STXBP6: variants seen among roughly 807,000 people sequenced by gnomAD.
STXBP6 encodes the protein syntaxin-binding protein 6.
Under a neutral mutation model 26.9 loss-of-function variants are expected in STXBP6, and 21 were observed. The ratio of observed to expected loss-of-function variants is 0.78; its 90% CI spans 0.55 to 1.12. STXBP6 has a LOEUF of 1.12. STXBP6 is among the 50% of genes most tolerant of loss of function. STXBP6 has a pLI of 0.00. For synonymous variants in STXBP6, 97 were observed against 92.6 expected (o/e 1.05, Z -0.27); for missense variants, 232 against 257.9 (o/e 0.90, Z 0.69).
At chr14:24,969,141 G>T (rs1326234970) in intron 2 of STXBP6, among the ~76,000 whole-genome samples, 2 of 152,072 alleles carry the variant, frequency 1.3e-5, no homozygotes, top group Admixed American at 1.3e-4. Flanking sequence ...AAAGCATTCA[G>T]AACTTTTTCC....
At chr14:24,908,649 T>TC (rs1329635201) in intron 2 of STXBP6, among the ~76,000 whole-genome samples, 2 of 148,262 alleles carry the variant, frequency 1.3e-5, no homozygotes, top group African/African-American at 2.4e-5. Flanking sequence ...CTTTCTCAGG[T>TC]CTTCCTCCAC....
At chr14:24,839,368 CATG>C (rs67176845) in intron 4 of STXBP6, among the ~76,000 whole-genome samples, 20,897 of 152,106 alleles carry the variant, frequency 0.14, 1,855 homozygotes, top group Non-Finnish European at 0.2. Context: ...TCATACAACA[CATG>C]CTGTTCATTT....
At chr14:24,881,655 A>C (rs1231688233) in intron 2 of STXBP6, among the ~76,000 whole-genome samples, 2 of 152,186 alleles carry the variant, frequency 1.3e-5, no homozygotes. Context: ...CAGACTGAAA[A>C]ATCACATGAG....
At chr14:24,948,330 T>C (rs2073058480) in intron 2 of STXBP6, among the ~76,000 whole-genome samples, 1 of 132,786 alleles carries the variant, frequency 7.5e-6, no homozygotes, top group Non-Finnish European at 1.6e-5. Context: ...CTTGACTTTA[T>C]GCTCTTTATG....
At chr14:24,860,210 A>G (rs1248893527) in intron 2 of STXBP6, among the ~76,000 whole-genome samples, 3 of 152,178 alleles carry the variant, frequency 2.0e-5, no homozygotes, top group Admixed American at 1.3e-4. Context: ...CTATACTCAA[A>G]GGGTGGAGAC....
intron 1 of STXBP6, among the ~76,000 whole-genome samples, chr14:25,039,292 A>G (rs915652999): frequency 1.3e-5 from 2 of 152,242 alleles, no homozygotes; most frequent in African/African-American, 4.8e-5. Context: ...GGAAGTTATT[A>G]TAAGTCTTGT....
At chr14:24,826,881 C>T (rs1273580500) in intron 4 of STXBP6, among the ~76,000 whole-genome samples, 1 of 152,104 alleles carries the variant, frequency 6.6e-6, no homozygotes. Context: ...TATGCTTTTT[C>T]ATTGGTTTAA....
intron 2 of STXBP6, among the ~76,000 whole-genome samples, chr14:24,904,536 T>C (rs1185798574): frequency 6.6e-6 from 1 of 152,192 alleles, no homozygotes; most frequent in East Asian, 1.9e-4. Context: ...TTTGAAGCTT[T>C]AGCATCCAAT....
chr14:24,883,933 A>G (rs529503836), intron 2 of STXBP6, among the ~76,000 whole-genome samples: 91 of 152,352 alleles, frequency 6.0e-4, no homozygotes, highest in Admixed American at 5.2e-3. Flanking sequence ...AGAAAAAGCT[A>G]TGTTTAAAAC....
chr14:24,863,734 C>T (rs1260501245), intron 2 of STXBP6, among the ~76,000 whole-genome samples: 1 of 151,982 alleles, frequency 6.6e-6, no homozygotes, highest in Non-Finnish European at 1.5e-5. Context: ...GATTCAACAA[C>T]CCAAAAGGTT....
chr14:24,961,419 A>G (rs2073531997), intron 2 of STXBP6, among the ~76,000 whole-genome samples: 1 of 151,768 alleles, frequency 6.6e-6, no homozygotes, highest in Admixed American at 6.6e-5. Flanking sequence ...AAAGTTAAAA[A>G]AATTAATAGG....
intron 1 of STXBP6, among the ~76,000 whole-genome samples, chr14:25,042,569 T>C (rs1171439922): frequency 6.6e-6 from 1 of 152,210 alleles, no homozygotes; most frequent in African/African-American, 2.4e-5. Context: ...CAGATGTTAA[T>C]TAACTTGCGC....
chr14:24,908,778 A>C (rs2071469830), intron 2 of STXBP6, among the ~76,000 whole-genome samples: 1 of 152,164 alleles, frequency 6.6e-6, no homozygotes, highest in African/African-American at 2.4e-5. Context: ...GAGCTCCAAC[A>C]GCCCTCAAGC....
chr14:25,002,680 C>T (rs1464177167), intron 1 of STXBP6, among the ~76,000 whole-genome samples: 2 of 150,180 alleles, frequency 1.3e-5, no homozygotes, highest in Admixed American at 6.7e-5. Flanking sequence ...TTTCTAAGTC[C>T]TGTTGAAGAA....
Position 24,926,224 on chromosome 14 carries a change from G to GA in STXBP6, c.154+48440dup, listed in dbSNP as rs370493048. ...TAGCAAAGCCCTGGTGAAGAAAAGG[G>GA]AAAAAAAAAGCCTTGCTAAAGGGAG... On this transcript the variant is annotated intron_variant, in intron 2 of 5. Transcript: ENST00000323944. Among the ~76,000 whole-genome samples, 335 of 150,786 alleles carry GA rather than the reference G, an allele frequency of 2.2e-3. 3 individuals carry two copies. Among genetic ancestry groups the GA allele is most frequent in the African/African-American group, 6.8e-3 (281 of 41,110 alleles).
chr14:24,898,045 G>C (rs1595067741), intron 2 of STXBP6, among the ~76,000 whole-genome samples: 1 of 152,132 alleles, frequency 6.6e-6, no homozygotes, highest in Non-Finnish European at 1.5e-5. Flanking sequence ...TTCTGTACAC[G>C]AGGTTTAGCA....
intron 4 of STXBP6, among the ~76,000 whole-genome samples, chr14:24,841,540 T>C (rs1046902034): frequency 2.0e-5 from 3 of 152,206 alleles, no homozygotes; most frequent in Non-Finnish European, 4.4e-5. Context: ...TAAAAATTCC[T>C]ATGAGATGAA....
At chr14:24,920,393 A>T (rs1391879906) in intron 2 of STXBP6, among the ~76,000 whole-genome samples, 1 of 152,064 alleles carries the variant, frequency 6.6e-6, no homozygotes, top group Non-Finnish European at 1.5e-5. Context: ...TTACTCAACT[A>T]TTTTTAACGT....
rs1484987293 is a variant in STXBP6, at chr14:24,811,332, T to C, written c.*1377A>G. 3 of 152,138 alleles carry C rather than the reference T, an allele frequency of 2.0e-5. No homozygotes were observed. Among genetic ancestry groups the C allele is most frequent in the African/African-American group, 7.2e-5 (3 of 41,414 alleles). 9.4% of individuals were successfully genotyped at this position (152,138 alleles called of 1,614,324 possible). On this transcript the variant is annotated 3_prime_UTR_variant, in exon 6 of 6. Coordinates refer to ENST00000323944, the MANE Select transcript of STXBP6 (RefSeq NM_001394410.1). ...GACTCAATCAGCAAAATGGATAGGATGGAATAGATAGGGGTCCTGAAGATT... is the reference window on the plus strand; with the variant it reads ...GACTCAATCAGCAAAATGGATAGGACGGAATAGATAGGGGTCCTGAAGATT...
Sources: allele counts gnomAD v4.1 joint callset (sites outside exome capture counted in the v4.1 genomes callset), GRCh38; gene constraint gnomAD v4.1.1; transcripts MANE v1.5; gene names NCBI Gene and HGNC (gene_info 2026-07-23, HGNC 2026-07-21).